Variants in DMXL2 observed in about 807,000 individuals in gnomAD.
DMXL2 encodes the protein dmX-like protein 2.
A neutral mutation model predicts 331.1 loss-of-function variants in DMXL2; 103 were observed. The ratio of observed to expected loss-of-function variants is 0.31; its 90% CI spans 0.27 to 0.37. The LOEUF is 0.37. Among genes scored for constraint, DMXL2 ranks in the 10% least tolerant of loss-of-function variants. The probability of loss-of-function intolerance (pLI) is 1.00; values close to 1 mark genes in which losing one functional copy is unlikely to be tolerated. For synonymous variants in DMXL2, 1,281 were observed against 1,252.1 expected (o/e 1.02, Z -0.49); for missense variants, 3,171 against 3,642.9 (o/e 0.87, Z 3.33).
chr15:51,482,873 A>T (rs911485323), intron 23 of DMXL2, among the ~76,000 whole-genome samples: 7 of 152,188 alleles, frequency 4.6e-5, no homozygotes, highest in African/African-American at 1.7e-4. Context: ...CAATGAATAA[A>T]CAGCTAAGAT....
intron 13 of DMXL2, among the ~76,000 whole-genome samples, chr15:51,533,996 G>A (rs762056569): frequency 3.3e-5 from 5 of 152,152 alleles, no homozygotes; most frequent in Non-Finnish European, 7.4e-5. Flanking sequence ...TTAGCAAGAT[G>A]AAATGTAATA....
chr15:51,556,457 C>T (rs1490172551), intron 6 of DMXL2, among the ~76,000 whole-genome samples: 1 of 149,956 alleles, frequency 6.7e-6, no homozygotes, highest in Non-Finnish European at 1.5e-5. Flanking sequence ...AAAATCAGTC[C>T]ATGTATTTCA....
At chr15:51,575,711 A>G (rs531090585) in intron 2 of DMXL2, among the ~76,000 whole-genome samples, 156 of 152,268 alleles carry the variant, frequency 1.0e-3, no homozygotes, top group Non-Finnish European at 1.9e-3. Flanking sequence ...ATGTTATAGT[A>G]TGAGTGATAT....
intron 1 of DMXL2, among the ~76,000 whole-genome samples, chr15:51,601,067 G>A (rs1050045768): frequency 5.3e-5 from 8 of 151,898 alleles, no homozygotes; most frequent in Non-Finnish European, 1.2e-4. Context: ...CGAGGCGGGC[G>A]GATCACAAGG....
Position 51,469,445 on chromosome 15 carries a change from C to CTGTT in DMXL2, c.7392+1774_7392+1777dup, listed in dbSNP as rs539401083. 8.5e-5 allele frequency among the ~76,000 whole-genome samples: 13 copies of CTGTT among 152,186 alleles called. No individual in the cohort carries two copies. The South Asian group carries it at 2.7e-3, about 32-fold the overall frequency. On this transcript the variant is annotated intron_variant, in intron 29 of 43. Coordinates refer to ENST00000560891, the MANE Select transcript of DMXL2 (RefSeq NM_001378457.1). ...ATATAAGTTTTTAATGGCATAAAAA[C>CTGTT]TGTTTACCTTGTTAATGTTAACAGA...
At chr15:51,457,135 G>A (rs929537931) in intron 37 of DMXL2, among the ~76,000 whole-genome samples, 193 bp downstream of exon 37, 2 of 152,210 alleles carry the variant, frequency 1.3e-5, no homozygotes, top group Non-Finnish European at 2.9e-5. Flanking sequence ...TTGCACCACT[G>A]CACTCCAGCC....
At chr15:51,456,231 A>G in intron 38 of DMXL2, 38 bp from the exon 39 acceptor site, 1 of 1,604,566 alleles carries the variant, frequency 6.2e-7, no homozygotes, top group Non-Finnish European at 8.5e-7. Context: ...TAAGAAATTA[A>G]AGAGTTCCAA....
rs2140878820 is a variant in DMXL2, at chr15:51,536,399, T to C, written c.2081A>G (p.Asp694Gly). ...GGAACCTTTTATATGTTTTACAGGG[T>C]CCATTAATCTACTTAATTTATTGTC... ...DSDNKLSRLM[D>G]PVKHIKGSSK... The change falls in exon 12 of 44, where the codon GAC becomes GGC. Residue 694 changes from aspartate (D) to glycine (G), a missense_variant. Around this residue, in one of 7 missense-constraint regions of DMXL2, gnomAD observed 1,674 missense variants for 1,780.2 expected, o/e 0.94. Coordinates refer to ENST00000560891, the MANE Select transcript of DMXL2 (RefSeq NM_001378457.1). 2 of 1,613,754 alleles carry C rather than the reference T, an allele frequency of 1.2e-6. No homozygotes were observed. Among genetic ancestry groups the C allele is most frequent in the East Asian group, 2.2e-5 (1 of 44,888 alleles).
chr15:51,509,278 T>C (rs1055096439), intron 15 of DMXL2, among the ~76,000 whole-genome samples: 11 of 151,436 alleles, frequency 7.3e-5, no homozygotes, highest in Non-Finnish European at 1.2e-4. Context: ...GAGCTGGTTT[T>C]TTGAAAAGAT....
intron 28 of DMXL2, among the ~76,000 whole-genome samples, chr15:51,471,777 A>C (rs1433009599): frequency 1.3e-5 from 2 of 152,226 alleles, no homozygotes; most frequent in East Asian, 3.8e-4. Context: ...GCCTTAAAAG[A>C]AGGGCAGAAG....
chr15:51,486,982 TA>T (rs1457376443), intron 22 of DMXL2, among the ~76,000 whole-genome samples: 16 of 152,182 alleles, frequency 1.1e-4, no homozygotes, highest in African/African-American at 3.1e-4. Flanking sequence ...ATTCTAAATT[TA>T]AAATACTAAA....
chr15:51,448,627 A>G lies in DMXL2; in HGVS notation c.*357T>C. On this transcript the variant is annotated 3_prime_UTR_variant, in exon 44 of 44. Coordinates refer to ENST00000560891, the MANE Select transcript of DMXL2 (RefSeq NM_001378457.1). ...GCTTCAGTCAGTGGTAAGAACAGGA[A>G]GAAAAACCCAAATCAGCAACATTTT... 1 of 300,416 alleles carries G rather than the reference A, an allele frequency of 3.3e-6. No individual in the cohort carries two copies. The highest frequency in any genetic ancestry group is 6.4e-6 in the Non-Finnish European group (1 of 155,210). The allele number at this position is 300,416 out of a possible 1,614,324, so 18.6% of individuals were successfully genotyped here.
chr15:51,453,074 C>T (rs1271238663), intron 41 of DMXL2, among the ~76,000 whole-genome samples: 4 of 151,418 alleles, frequency 2.6e-5, no homozygotes, highest in African/African-American at 7.3e-5. Flanking sequence ...ATAATGGACT[C>T]TGGGGGCTTG....
intron 6 of DMXL2, among the ~76,000 whole-genome samples, chr15:51,553,651 A>G (rs569347153): frequency 5.1e-4 from 78 of 152,308 alleles, no homozygotes; most frequent in Non-Finnish European, 9.7e-4. Context: ...GAAAATGATG[A>G]GGATGAAGAC....
chr15:51,459,137 G>A (rs541302027), intron 34 of DMXL2: 1 of 234,504 alleles, frequency 4.3e-6, no homozygotes, highest in Non-Finnish European at 8.5e-6. Flanking sequence ...ATAAGAATGT[G>A]TATACATTAA....
intron 1 of DMXL2, among the ~76,000 whole-genome samples, chr15:51,604,971 C>T (rs936465270): frequency 7.3e-5 from 11 of 151,300 alleles, no homozygotes; most frequent in Non-Finnish European, 1.0e-4. Context: ...TACAAAGGTA[C>T]AAAGGCAATT....
intron 41 of DMXL2, among the ~76,000 whole-genome samples, chr15:51,452,280 T>C (rs1039860829): frequency 6.6e-6 from 1 of 151,842 alleles, no homozygotes; most frequent in African/African-American, 2.4e-5. Context: ...CAAAAATAAA[T>C]AAATGGGACC....
intron 1 of DMXL2, among the ~76,000 whole-genome samples, chr15:51,579,074 C>T (rs897543328): frequency 2.6e-5 from 4 of 152,116 alleles, no homozygotes; most frequent in African/African-American, 9.7e-5. Context: ...CACTGCACTC[C>T]AGCCTGGGTG....
chr15:51,500,997 TTCCCC>T (rs2140497565), intron 17 of DMXL2, among the ~76,000 whole-genome samples: 1 of 152,338 alleles, frequency 6.6e-6, no homozygotes, highest in South Asian at 2.1e-4. Context: ...CAGTTACTGT[TTCCCC>T]TAGATTACTA....
Sources: allele counts gnomAD v4.1 joint callset (sites outside exome capture counted in the v4.1 genomes callset), GRCh38; gene constraint gnomAD v4.1.1; regional missense constraint gnomAD v4.1.1; transcripts MANE v1.5; gene names NCBI Gene and HGNC (gene_info 2026-07-23, HGNC 2026-07-21).